The following FBP2 variants were observed in gnomAD, a reference collection of about 807,000 sequenced individuals.
FBP2 encodes fructose-1,6-bisphosphatase isozyme 2.
FBP2 carries 27 observed loss-of-function variants against 31.6 expected under a neutral mutation model. That is an observed-to-expected ratio of 0.85 (90% CI 0.63 to 1.18). The LOEUF (loss-of-function observed/expected upper bound fraction) is 1.18, where lower values mean the gene tolerates loss of function less well. Ranked by LOEUF, FBP2 falls within the 50% of genes most tolerant of loss-of-function variation. The pLI is 0.00. For missense variants in FBP2, 421 were observed against 436.1 expected, an observed-to-expected ratio of 0.97 and a Z score of 0.31; for synonymous variants, 168 against 179.8, an observed-to-expected ratio of 0.93 and a Z score of 0.53.
intron 1 of FBP2, 66 bp downstream of exon 1, chr9:94,593,491 G>T: frequency 1.4e-6 from 2 of 1,477,502 alleles, no homozygotes; most frequent in Non-Finnish European, 1.8e-6. Flanking sequence ...CAAAGCACCT[G>T]CAGCTCCCAC....
At chr9:94,569,762 G>A (rs1339823543) in intron 4 of FBP2, 1 of 152,194 alleles carries the variant, frequency 6.6e-6, no homozygotes, top group African/African-American at 2.4e-5. Flanking sequence ...ACCCACAATG[G>A]AGAGTTGGTT....
In FBP2 at chr9:94,593,578, C is replaced by A. The variant is rs765534622; in HGVS notation, c.149G>T (p.Arg50Leu). The A allele has an allele frequency of 6.2e-6, 10 of 1,613,758 alleles. No individual in the cohort carries two copies. The highest frequency in any genetic ancestry group is 2.2e-5 in the South Asian group (2 of 91,034). Residue 50 changes from arginine to leucine, a missense_variant, in exon 1 of 7, where the codon CGC (arginine) becomes CTC (leucine). By Grantham distance (102) the Arg-to-Leu change is moderately radical. Transcript: ENST00000375337. ...TCACAGGTGGGCCAGACCGGCCTTG[C>A]GCACAGCCGAGGAGATGGCTTTGAT... The part of the protein sequence containing the change: ...TAIKAISSAV[R>L]KAGLAHLYGI...
At chr9:94,592,660 G>A (rs981086309) in intron 1 of FBP2, among the ~76,000 whole-genome samples, 3 of 152,180 alleles carry the variant, frequency 2.0e-5, no homozygotes, top group East Asian at 1.9e-4. Context: ...TCAGCCTCCC[G>A]AGTAGCCGGG....
intron 1 of FBP2, among the ~76,000 whole-genome samples, chr9:94,588,744 CCA>C (rs1491153581): frequency 6.6e-6 from 1 of 152,176 alleles, no homozygotes; most frequent in Non-Finnish European, 1.5e-5. Context: ...TAAAGTGCCC[CCA>C]GTCTTACCCA....
intron 3 of FBP2, 105 bp from the exon 4 acceptor site, chr9:94,571,707 G>T: frequency 9.3e-7 from 1 of 1,069,598 alleles, no homozygotes. Context: ...AAGGAAGCGC[G>T]GTTCTTTGAA....
chr9:94,583,785 G>A (rs1014368747), intron 3 of FBP2, among the ~76,000 whole-genome samples: 1 of 152,178 alleles, frequency 6.6e-6, no homozygotes, highest in African/African-American at 2.4e-5. Context: ...TTTTAGTAGA[G>A]ACGGGGTTTC....
intron 4 of FBP2, chr9:94,569,633 C>A (rs796748255): frequency 3.9e-5 from 6 of 152,308 alleles, no homozygotes; most frequent in African/African-American, 1.4e-4. Context: ...TGGTCACCAA[C>A]AACGGCTGAT....
At chr9:94,582,626 C>A (rs1239218817) in intron 3 of FBP2, among the ~76,000 whole-genome samples, 1 of 150,170 alleles carries the variant, frequency 6.7e-6, no homozygotes, top group African/African-American at 2.5e-5. Context: ...TGGCTCACTA[C>A]AAGCTCTGCC....
intron 5 of FBP2, among the ~76,000 whole-genome samples, chr9:94,565,893 A>G (rs540124): frequency 0.25 from 38,565 of 151,966 alleles, 6,227 homozygotes; most frequent in East Asian, 0.55. Context: ...AAGGTGTAGG[A>G]TACAATTTGC....
intron 2 of FBP2, among the ~76,000 whole-genome samples, chr9:94,586,000 C>G (rs894225640): frequency 6.6e-6 from 1 of 152,188 alleles, no homozygotes; most frequent in Non-Finnish European, 1.5e-5. Flanking sequence ...TCCCAAAGCA[C>G]CGGGATTGCA....
Position 94,593,587 on chromosome 9 carries a change from G to A in FBP2, c.140C>T (p.Ser47Leu), listed in dbSNP as rs200620421. Residue 47 changes from serine (S) to leucine (L), a missense_variant, in exon 1 of 7, where the codon TCG (serine) becomes TTG (leucine). Physicochemically the swap from Ser to Leu is moderately radical, Grantham distance 145. Coordinates refer to ENST00000375337, the MANE Select transcript of FBP2 (RefSeq NM_003837.4). ...GGCCAGACCGGCCTTGCGCACAGCC[G>A]AGGAGATGGCTTTGATGGCCGTCAG... ...SMLTAIKAIS[S>L]AVRKAGLAHL... 23 of 1,613,948 alleles carry A rather than the reference G, an allele frequency of 1.4e-5. No individual in the cohort carries two copies. Among genetic ancestry groups the A allele is most frequent in the East Asian group, 4.5e-5 (2 of 44,876 alleles).
At chr9:94,582,351 C>CGT (rs71366248) in intron 3 of FBP2, among the ~76,000 whole-genome samples, 2,337 of 147,824 alleles carry the variant, frequency 0.016, 24 homozygotes, top group African/African-American at 0.026. Flanking sequence ...TGTGTGTGTG[C>CGT]GTGTGTGTGT....
chr9:94,573,781 T>C (rs1260001279), intron 3 of FBP2, among the ~76,000 whole-genome samples: 1 of 152,246 alleles, frequency 6.6e-6, no homozygotes, highest in Non-Finnish European at 1.5e-5. Context: ...TGGTCTGTGG[T>C]ATTTTTTTGA....
At chr9:94,583,490 A>G (rs1277695524) in intron 3 of FBP2, among the ~76,000 whole-genome samples, 1 of 152,238 alleles carries the variant, frequency 6.6e-6, no homozygotes, top group Non-Finnish European at 1.5e-5. Context: ...TATTTCTGCC[A>G]TAGATTCCCT....
At chr9:94,592,192 G>C (rs1034802964) in intron 1 of FBP2, among the ~76,000 whole-genome samples, 2 of 152,170 alleles carry the variant, frequency 1.3e-5, no homozygotes. Context: ...AATGCAGAGC[G>C]TGGCTGTTAT....
At chr9:94,559,476 C>T (rs770403899) in intron 6 of FBP2, among the ~76,000 whole-genome samples, 13 of 152,112 alleles carry the variant, frequency 8.5e-5, no homozygotes, top group Non-Finnish European at 1.6e-4. Flanking sequence ...ACTGATGCTG[C>T]AGGCCTTGGT....
At position 94,584,610 on chromosome 9, in the gene FBP2, G is replaced by A. The variant is rs368262791; in HGVS notation, c.393C>T (p.Ala131=). The A allele has an allele frequency of 4.6e-5, 74 of 1,613,482 alleles. No homozygotes were observed. The highest frequency in any genetic ancestry group is 7.7e-5 in the South Asian group (7 of 91,076). The change falls in exon 3 of 7, where the codon GCC becomes GCT. Residue 131 remains alanine, a synonymous_variant. Transcript: ENST00000375337. ...LDGSSNIDCL[A]SIGTIFAIYR... is the part of the protein sequence containing the mutation. ...AGATGGCAAAGATGGTTCCGATGGA[G>A]GCCAGGCAGTCAATATTGGAAGATC... is the stretch of plus-strand genomic sequence containing the variant.
rs192299553 is a variant in FBP2 at position 94,565,547 on chromosome 9, G to A, written c.705+1723C>T. On this transcript the variant is annotated intron_variant, in intron 5 of 6. Coordinates refer to ENST00000375337, the MANE Select transcript of FBP2 (RefSeq NM_003837.4). ...CATAAAATCAAAACATTTAAATACAGAAAGAATCTTTCAGCAGACACACAG... is the reference window on the plus strand; with the variant it reads ...CATAAAATCAAAACATTTAAATACAAAAAGAATCTTTCAGCAGACACACAG... Among the ~76,000 whole-genome samples the A allele has an allele frequency of 5.3e-4, 80 of 152,112 alleles. 3 individuals carry two copies. In the East Asian group the frequency reaches 0.012, roughly 23 times the overall value.
Position 94,559,046 on chromosome 9 carries a change from C to T in FBP2, c.912G>A (p.Leu304=), listed in dbSNP as rs778492263. 3.7e-6 allele frequency: 6 copies of T among 1,614,128 alleles called. No individual in the cohort carries two copies. Among genetic ancestry groups the T allele is most frequent in the Non-Finnish European group, 5.1e-6 (6 of 1,180,028 alleles). The change falls in exon 7 of 7, where the codon CTG becomes CTA. Residue 304 remains leucine (L), a synonymous_variant. Transcript: ENST00000375337. ...GLATTGTQPV[L]DVKPEAIHQR... ...GGTGAATTGCCTCGGGCTTCACGTC[C>T]AGTACAGGCTGGGTCCCCGTGGTCG...
Sources: allele counts gnomAD v4.1 joint callset (sites outside exome capture counted in the v4.1 genomes callset), GRCh38; gene constraint gnomAD v4.1.1; transcripts MANE v1.5; gene names NCBI Gene and HGNC (gene_info 2026-07-23, HGNC 2026-07-21).